The following USP40 variants were observed in gnomAD, a reference collection of about 807,000 sequenced individuals.
The protein encoded by USP40 is ubiquitin carboxyl-terminal hydrolase 40.
USP40 carries 143 observed loss-of-function variants against 166.2 expected under a neutral mutation model. The observed-to-expected ratio is 0.86, with a 90% CI of 0.75 to 0.99. USP40 has a LOEUF of 0.99. Among genes scored for constraint, USP40 ranks in the 50% least tolerant of loss-of-function variants. The probability of loss-of-function intolerance (pLI) is 0.00; values close to 1 mark genes in which losing one functional copy is unlikely to be tolerated. For missense variants in USP40, 1,444 were observed against 1,479.7 expected (o/e 0.98, Z 0.40); for synonymous variants, 498 against 524.0 (o/e 0.95, Z 0.68).
intron 7 of USP40, among the ~76,000 whole-genome samples, chr2:233,550,281 T>A (rs1229238810): frequency 6.6e-6 from 1 of 152,120 alleles, no homozygotes; most frequent in Non-Finnish European, 1.5e-5. Flanking sequence ...AATCCAAAAG[T>A]AAAATGAATG....
Position 233,480,789 on chromosome 2 carries a change from T to TG in USP40, c.3599+413dup, listed in dbSNP as rs1180211007. Among the ~76,000 whole-genome samples, 2 of 151,850 alleles carry TG rather than the reference T, an allele frequency of 1.3e-5. No individual in the cohort carries two copies. The highest frequency in any genetic ancestry group is 2.9e-5 in the Non-Finnish European group (2 of 67,968). ...GGAGTGGCCAGGCTCTCGGGAACCTTGGAGAGAGCGGGAGAAGGACAGGGA... is the reference window on the plus strand; with the variant it reads ...GGAGTGGCCAGGCTCTCGGGAACCTTGGGAGAGAGCGGGAGAAGGACAGGGA... On this transcript the variant is annotated intron_variant, in intron 31 of 31. Transcript: ENST00000678225. This position sits in a 1 kb window ranked among gnomAD's most constrained non-coding sequence, Gnocchi z 4.5.
intron 30 of USP40, among the ~76,000 whole-genome samples, chr2:233,481,938 GAA>G (rs1014656472): frequency 6.6e-6 from 1 of 152,220 alleles, no homozygotes; most frequent in Non-Finnish European, 1.5e-5. Context: ...TGCGTGTCAG[GAA>G]AGACACAGCG....
Position 233,493,476 on chromosome 2 carries a change from T to C in USP40, c.2866A>G (p.Thr956Ala), listed in dbSNP as rs368100283. Reference sequence around the variant, plus strand: ...CTGCCCCAAGACGAAGTACAGTTGGTCTGGTCCTGATGACTCTCCCAGTGT... The same window carrying C: ...CTGCCCCAAGACGAAGTACAGTTGGCCTGGTCCTGATGACTCTCCCAGTGT... ...SGHWESHQDQTNCTSSWGRVW... is the reference protein window; with the variant it reads ...SGHWESHQDQANCTSSWGRVW... The change falls in exon 25 of 32, where the codon ACC (threonine) becomes GCC (alanine). Residue 956 changes from threonine (T) to alanine (A), a missense_variant. Physicochemically the swap from Thr to Ala is moderately conservative, Grantham distance 58 (BLOSUM62 0). Coordinates refer to ENST00000678225, the MANE Select transcript of USP40 (RefSeq NM_001365479.2). This position sits in a 1 kb window ranked among gnomAD's most constrained non-coding sequence, Gnocchi z 4.7. The C allele has an allele frequency of 1.2e-6, 2 of 1,613,836 alleles. No homozygotes were observed. Among genetic ancestry groups the C allele is most frequent in the Non-Finnish European group, 1.7e-6 (2 of 1,179,884 alleles).
In USP40 at chr2:233,517,797, TG is replaced by T. The variant is rs1310463539; in HGVS notation, c.2383+1816del. 2.6e-5 allele frequency among the ~76,000 whole-genome samples: 4 copies of T among 151,254 alleles called. No homozygotes were observed. The South Asian group carries it at 6.3e-4, about 24-fold the overall frequency. ...AGAAACTGTGGTGTGTGTGTGTGTG[TG>T]TGTGTGTGTGTGTGTGTGTGTGTGT... On this transcript the variant is annotated intron_variant, in intron 18 of 31. Coordinates refer to ENST00000678225, the MANE Select transcript of USP40 (RefSeq NM_001365479.2).
At position 233,523,406 on chromosome 2, in the gene USP40, T is replaced by C. The variant is rs1487573720; in HGVS notation, c.1965A>G (p.Gly655=). The C allele has an allele frequency of 1.2e-6, 2 of 1,613,884 alleles. No homozygotes were observed. Among genetic ancestry groups the C allele is most frequent in the African/African-American group, 1.3e-5 (1 of 74,916 alleles). ...ATTCTATCACCTGACAACACTTTTC[T>C]CCATCACTGCTTGTGTCTAGATGAA... ...NVLHLDTSSD[G]EKCCQVIESP... The change falls in exon 16 of 32, where the codon GGA becomes GGG. Residue 655 remains glycine (G), a synonymous_variant. Coordinates refer to ENST00000678225, the MANE Select transcript of USP40 (RefSeq NM_001365479.2).
chr2:233,542,605 G>A (rs1039634062), intron 8 of USP40: 10 of 359,574 alleles, frequency 2.8e-5, no homozygotes, highest in Non-Finnish European at 2.5e-5. Context: ...TTGAGCCCAG[G>A]AGGTCAAGGC....
intron 24 of USP40, among the ~76,000 whole-genome samples, chr2:233,496,446 A>G (rs995210148): frequency 4.6e-5 from 7 of 152,252 alleles, no homozygotes; most frequent in Admixed American, 2.6e-4. Context: ...GTTTCCAACA[A>G]TGAGGATATA....
chr2:233,514,996 C>T (rs1691383412), intron 18 of USP40, among the ~76,000 whole-genome samples: 1 of 152,174 alleles, frequency 6.6e-6, no homozygotes, highest in South Asian at 2.1e-4. Flanking sequence ...ATGTATGGAA[C>T]CACACAATGT....
intron 1 of USP40, among the ~76,000 whole-genome samples, chr2:233,565,781 T>TA (rs763872258): frequency 3.3e-4 from 51 of 152,262 alleles, no homozygotes; most frequent in Non-Finnish European, 5.9e-4. Flanking sequence ...CTGGATATGT[T>TA]AATCTGTTTT....
rs1036678756 is a variant in USP40 at position 233,561,126 on chromosome 2, G to A, written c.268-1202C>T. 86 of 1,556,250 alleles carry A rather than the reference G, an allele frequency of 5.5e-5. No individual in the cohort carries two copies. The East Asian group carries it at 1.4e-3, about 24-fold the overall frequency. On this transcript the variant is annotated intron_variant, in intron 3 of 31. Coordinates refer to ENST00000678225, the MANE Select transcript of USP40 (RefSeq NM_001365479.2). ...TCTTTAAAAAAAATTTTCTGAATAC[G>A]CTAAAACACCCCAGTAAATCATAGA...
chr2:233,477,062 C>T lies in USP40; in HGVS notation c.*330G>A, dbSNP rs2064214763. 5.5e-6 allele frequency: 2 copies of T among 364,740 alleles called. No homozygotes were observed. Among genetic ancestry groups the T allele is most frequent in the South Asian group, 4.3e-5 (2 of 46,140 alleles). The allele number at this position is 364,740 out of a possible 1,614,324, so 22.6% of individuals were successfully genotyped here. The stretch of plus-strand genomic sequence containing the variant: ...CGGAGCAACGGCATGCCGCTGCCTC[C>T]ATACCTGCGGTTCACGCACACGTTG... On this transcript the variant is annotated 3_prime_UTR_variant, in exon 32 of 32. Coordinates refer to ENST00000678225, the MANE Select transcript of USP40 (RefSeq NM_001365479.2).
intron 18 of USP40, 41 bp downstream of exon 18, chr2:233,519,573 T>G: frequency 1.5e-6 from 2 of 1,340,094 alleles, no homozygotes; most frequent in Non-Finnish European, 2.1e-6. Flanking sequence ...AGACCAAAAT[T>G]AAGCTAAACT....
chr2:233,529,857 G>C (rs1453910645), intron 11 of USP40, among the ~76,000 whole-genome samples: 1 of 135,988 alleles, frequency 7.4e-6, no homozygotes, highest in Non-Finnish European at 1.5e-5. Flanking sequence ...GCCCAGGCTG[G>C]AGTGCAGTGG....
chr2:233,554,742 A>C (rs910746351), intron 5 of USP40, among the ~76,000 whole-genome samples: 3 of 152,210 alleles, frequency 2.0e-5, no homozygotes, highest in African/African-American at 7.2e-5. Context: ...TATCAGAAAA[A>C]TATAAGAAAA....
At chr2:233,566,506 G>A (rs939484480) in intron 1 of USP40, among the ~76,000 whole-genome samples, 178 bp downstream of exon 1, 15 of 152,212 alleles carry the variant, frequency 9.9e-5, no homozygotes, top group African/African-American at 3.6e-4. Context: ...CAGGCCCAGG[G>A]GCGCAAAAAG....
At position 233,485,948 on chromosome 2, in the gene USP40, A is replaced by C. The variant is rs2064921096; in HGVS notation, c.3227T>G (p.Val1076Gly). 6.3e-7 allele frequency: 1 copy of C among 1,590,812 alleles called. No homozygotes were observed. Among genetic ancestry groups the C allele is most frequent in the African/African-American group, 1.3e-5 (1 of 74,088 alleles). Reference sequence around the variant, plus strand: ...ATAGGTCCTCTCACCAGGGATGCGCACCTGTGTCCTCAGCAGCACGTCCTG... The same window carrying C: ...ATAGGTCCTCTCACCAGGGATGCGCCCCTGTGTCCTCAGCAGCACGTCCTG... ...GPQDVLLRTQ[V>G]RIPGERTYAP... Residue 1076 changes from valine to glycine, a missense_variant, in exon 29 of 32, where the codon GTG becomes GGG. Coordinates refer to ENST00000678225, the MANE Select transcript of USP40 (RefSeq NM_001365479.2).
In USP40 at chr2:233,542,287, AG is replaced by A; in HGVS notation, c.1042del (p.Leu348Ter). The A allele has an allele frequency of 6.5e-7, 1 of 1,550,186 alleles. No homozygotes were observed. On this transcript the variant is annotated frameshift_variant, in exon 9 of 32. Transcript: ENST00000678225. LOFTEE classifies it high-confidence loss of function. ...CTATACCTCTAATAAGATTGCTTTT[AG>A]AATCATCAGTGGATGATCAATCTCT... ...EEEIDHPLMI[L>X]KAILLEEENN...
chr2:233,488,712 G>A (rs1575221066), intron 27 of USP40, among the ~76,000 whole-genome samples: 3 of 152,258 alleles, frequency 2.0e-5, no homozygotes, highest in East Asian at 1.9e-4. Flanking sequence ...CTAGGAGTTC[G>A]CGACCAGACT....
intron 22 of USP40, 55 bp from the exon 23 acceptor site, chr2:233,498,667 C>T (rs1447988802): frequency 4.2e-6 from 6 of 1,442,762 alleles, no homozygotes; most frequent in Admixed American, 1.8e-5. Context: ...TGAGACGTTG[C>T]GTGTAACTTC....
Sources: gnomAD v4.1 joint callset for allele counts (sites outside exome capture counted in the v4.1 genomes callset) on GRCh38, gnomAD v4.1.1 for gene constraint, Gnocchi (gnomAD v3.1) non-coding constraint, MANE v1.5 for transcripts, NCBI Gene and HGNC (gene_info 2026-07-23, HGNC 2026-07-21) for gene names.